The following WDR27 variants were observed in gnomAD, a reference collection of about 807,000 sequenced individuals.
WDR27 encodes WD repeat domain 27.
In WDR27, 100 loss-of-function variants were observed where a neutral mutation model predicts 114.4. The ratio of observed to expected loss-of-function variants is 0.87; its 90% CI spans 0.74 to 1.03. WDR27 has a LOEUF of 1.03. Among genes scored for constraint, WDR27 ranks in the 50% least tolerant of loss-of-function variants. The pLI, the probability that WDR27 is intolerant of heterozygous loss-of-function variation, is 0.00. For synonymous variants in WDR27, 449 were observed against 423.1 expected, an observed-to-expected ratio of 1.06 and a Z score of -0.75; for missense variants, 1,129 against 1,092.9, an observed-to-expected ratio of 1.03 and a Z score of -0.47.
At chr6:169,574,514 G>A (rs1017287127) in intron 24 of WDR27, among the ~76,000 whole-genome samples, 2 of 152,124 alleles carry the variant, frequency 1.3e-5, no homozygotes, top group Admixed American at 6.5e-5. Context: ...AAACAAGATC[G>A]GTGAGTGCCA....
At position 169,583,052 on chromosome 6, in the gene WDR27, C is replaced by G. The variant is rs543555944; in HGVS notation, c.2425-118G>C. 2.8e-5 allele frequency: 22 copies of G among 775,458 alleles called. 1 individual carries two copies. In the South Asian group the frequency reaches 3.6e-4, roughly 13 times the overall value. 48.0% of individuals were successfully genotyped at this position (775,458 alleles called of 1,614,324 possible). A position where few individuals can be genotyped will look rare whatever the true frequency, so the allele number is the denominator to read the frequency against. ...TGTAGTTGATCAGATACAACAGCAA[C>G]AACCAAGATGCCTGACAAAACATCA... On this transcript the variant is annotated intron_variant, in intron 23 of 25. Transcript: ENST00000448612.
intron 9 of WDR27, 37 bp from the exon 10 acceptor site, chr6:169,660,803 T>A: frequency 6.3e-7 from 1 of 1,585,792 alleles, no homozygotes; most frequent in Non-Finnish European, 8.6e-7. Context: ...TACACAATAA[T>A]CTTATTCCTG....
At chr6:169,644,332 C>T (rs201711663) in intron 16 of WDR27, among the ~76,000 whole-genome samples, 1 of 105,096 alleles carries the variant, frequency 9.5e-6, no homozygotes, top group African/African-American at 3.8e-5. Context: ...CTAGTTCACA[C>T]GAGTCACACT....
At chr6:169,565,881 C>T (rs1455915882) in intron 25 of WDR27, among the ~76,000 whole-genome samples, 3 of 152,172 alleles carry the variant, frequency 2.0e-5, no homozygotes, top group Non-Finnish European at 2.9e-5. Context: ...TGGGCTCAAA[C>T]GATCCTCCTG....
At chr6:169,599,188 T>C (rs1044477481) in intron 23 of WDR27, among the ~76,000 whole-genome samples, 26 of 147,416 alleles carry the variant, frequency 1.8e-4, no homozygotes, top group Non-Finnish European at 3.0e-5. Context: ...CCTTCCTGTG[T>C]CCATGTGTTC....
intron 21 of WDR27, 112 bp downstream of exon 21, chr6:169,632,835 A>T: frequency 9.9e-7 from 1 of 1,006,826 alleles, no homozygotes; most frequent in Non-Finnish European, 1.3e-6. Flanking sequence ...ATAAAAATTA[A>T]CATTGAATTT....
intron 2 of WDR27, among the ~76,000 whole-genome samples, chr6:169,686,933 A>C (rs758747101): frequency 1.3e-5 from 2 of 152,216 alleles, no homozygotes; most frequent in Non-Finnish European, 2.9e-5. Flanking sequence ...GTGGAAACTT[A>C]AAAAGTGGAT....
chr6:169,669,327 G>A (rs186550099), intron 4 of WDR27, among the ~76,000 whole-genome samples: 16 of 152,174 alleles, frequency 1.1e-4, no homozygotes, highest in Admixed American at 3.9e-4. Context: ...CAGTTGACAC[G>A]CCTGCTGCTA....
chr6:169,619,715 G>A (rs1336302701), intron 21 of WDR27, among the ~76,000 whole-genome samples: 2 of 152,208 alleles, frequency 1.3e-5, no homozygotes, highest in East Asian at 3.9e-4. Context: ...ATAAAAGACT[G>A]TGGAGACCAA....
Position 169,659,451 on chromosome 6 carries a change from C to T in WDR27, c.1197G>A (p.Lys399=), listed in dbSNP as rs938588615. 4.4e-6 allele frequency: 7 copies of T among 1,607,778 alleles called. No individual in the cohort carries two copies. The East Asian group carries it at 1.6e-4, about 36-fold the overall frequency. The part of the protein sequence containing the change: ...CALRNRTADQ[K]VLCLLASLFG... ...GGGAGGGCCGCGTCTCAGGACTGACCTTTTGATCCGCAGTGCGGTTCCTCA... is the reference window on the plus strand; with the variant it reads ...GGGAGGGCCGCGTCTCAGGACTGACTTTTTGATCCGCAGTGCGGTTCCTCA... The change falls in exon 11 of 26, where the codon AAG becomes AAA. Residue 399 remains lysine (K), a splice_region_variant and synonymous_variant. Transcript: ENST00000448612. The surrounding 1 kb of genome is among the most constrained non-coding windows in gnomAD (Gnocchi z 4.3).
chr6:169,632,093 C>CA (rs765642564), intron 21 of WDR27, among the ~76,000 whole-genome samples: 2 of 149,734 alleles, frequency 1.3e-5, no homozygotes, highest in Non-Finnish European at 2.9e-5. Context: ...GAGGCTGAGG[C>CA]AGGAGAATCG....
chr6:169,662,652 C>T (rs552270935), intron 8 of WDR27, among the ~76,000 whole-genome samples: 2 of 144,624 alleles, frequency 1.4e-5, no homozygotes, highest in East Asian at 2.1e-4. Context: ...CAGCATGACG[C>T]GCATGCACCG....
At chr6:169,501,720 A>AT (rs5881831) in intron 25 of WDR27, among the ~76,000 whole-genome samples, 137,110 of 152,170 alleles carry the variant, frequency 0.9, 62,817 homozygotes, top group African/African-American at 0.96. Context: ...CTTTTCTTTA[A>AT]TACCGAGGAT....
At chr6:169,665,266 G>A (rs1827513520) in intron 7 of WDR27, 2 of 1,327,126 alleles carry the variant, frequency 1.5e-6, no homozygotes, top group Admixed American at 7.2e-5. Context: ...GGAGCTCTGG[G>A]ACATGCAGAC....
intron 20 of WDR27, among the ~76,000 whole-genome samples, chr6:169,633,792 A>T (rs1336432639): frequency 6.6e-6 from 1 of 152,180 alleles, no homozygotes; most frequent in African/African-American, 2.4e-5. Context: ...CATATTTCTT[A>T]TTTCTGCTAG....
intron 25 of WDR27, among the ~76,000 whole-genome samples, chr6:169,482,106 T>C (rs1788240272): frequency 6.6e-6 from 1 of 152,262 alleles, no homozygotes; most frequent in South Asian, 2.1e-4. Flanking sequence ...GCTTGACCCA[T>C]GTCCCTGCAA....
intron 25 of WDR27, among the ~76,000 whole-genome samples, chr6:169,554,762 G>A (rs998451059): frequency 6.6e-6 from 1 of 152,106 alleles, no homozygotes; most frequent in Non-Finnish European, 1.5e-5. Flanking sequence ...GAGTGCATTA[G>A]TAACCTCCTA....
chr6:169,547,262 T>G (rs1797570856), intron 25 of WDR27, among the ~76,000 whole-genome samples: 1 of 152,162 alleles, frequency 6.6e-6, no homozygotes, highest in African/African-American at 2.4e-5. Flanking sequence ...ATGAATCCAA[T>G]TCTCTATAAT....
chr6:169,495,255 T>C (rs988435457), intron 25 of WDR27, among the ~76,000 whole-genome samples: 3 of 152,066 alleles, frequency 2.0e-5, no homozygotes, highest in African/African-American at 4.8e-5. Context: ...ATAAGGTTAG[T>C]ATTTCTTGTA....
Sources: allele counts gnomAD v4.1 joint callset (sites outside exome capture counted in the v4.1 genomes callset), GRCh38; gene constraint gnomAD v4.1.1; non-coding constraint Gnocchi (gnomAD v3.1); transcripts MANE v1.5; gene names NCBI Gene and HGNC (gene_info 2026-07-23, HGNC 2026-07-21).